The following MYH11 variants were observed in gnomAD, a reference collection of about 807,000 sequenced individuals.
MYH11 encodes the protein myosin-11.
In MYH11, 80 loss-of-function variants were observed where a neutral mutation model predicts 246.6. That is an observed-to-expected ratio of 0.32 (90% CI 0.27 to 0.39). MYH11 has a LOEUF of 0.39. MYH11 is among the 10% of genes least tolerant of loss of function. MYH11 has a pLI of 1.00. For synonymous variants in MYH11, 1,071 were observed against 1,015.5 expected (o/e 1.05, Z -1.04); for missense variants, 2,158 against 2,546.8 (o/e 0.85, Z 3.29).
At chr16:15,784,633 T>A in intron 5 of MYH11, 1 of 1,577,930 alleles carries the variant, frequency 6.3e-7, no homozygotes, top group Non-Finnish European at 8.7e-7. Flanking sequence ...TGCAAGAGGA[T>A]CATGCAGATC....
At chr16:15,709,540 C>T (rs2039662724) in intron 40 of MYH11, among the ~76,000 whole-genome samples, 1 of 152,064 alleles carries the variant, frequency 6.6e-6, no homozygotes, top group African/African-American at 2.4e-5. Flanking sequence ...GTCTCGAACT[C>T]CTGACCTCAA....
intron 1 of MYH11, among the ~76,000 whole-genome samples, chr16:15,843,526 TAA>T (rs34718696): frequency 2.2e-4 from 28 of 127,824 alleles, no homozygotes; most frequent in Admixed American, 2.4e-4. Flanking sequence ...CTGTCTCTAC[TAA>T]AAAAAAAAAA....
chr16:15,741,698 G>A, intron 21 of MYH11, 29 bp from the exon 22 acceptor site: 4 of 1,613,994 alleles, frequency 2.5e-6, no homozygotes, highest in Non-Finnish European at 3.4e-6. Flanking sequence ...GAGGAGGCGG[G>A]TGAGCCCCAC....
At chr16:15,725,557 C>T (rs2040712204) in intron 28 of MYH11, 2 of 408,530 alleles carry the variant, frequency 4.9e-6, no homozygotes, top group Non-Finnish European at 8.6e-6. Flanking sequence ...TGCATAAGTC[C>T]CTTTGAGGCT....
chr16:15,756,230 G>T, intron 14 of MYH11, 111 bp downstream of exon 14: 1 of 1,225,122 alleles, frequency 8.2e-7, no homozygotes, highest in South Asian at 1.3e-5. Context: ...GCAGCAGATG[G>T]CTTTGCAGTT....
intron 27 of MYH11, among the ~76,000 whole-genome samples, chr16:15,731,646 C>T (rs1423060104): frequency 6.6e-6 from 1 of 151,938 alleles, no homozygotes; most frequent in African/African-American, 2.4e-5. Flanking sequence ...CACATGCCAC[C>T]ACACCCAGCT....
chr16:15,744,554 G>A (rs983521479), intron 20 of MYH11, among the ~76,000 whole-genome samples: 2 of 151,702 alleles, frequency 1.3e-5, no homozygotes, highest in Non-Finnish European at 2.9e-5. Flanking sequence ...ACCCAGGCTG[G>A]AGTGCAGGCA....
At chr16:15,817,521 G>GC (rs113652084) in intron 3 of MYH11, among the ~76,000 whole-genome samples, 312 of 152,166 alleles carry the variant, frequency 2.1e-3, no homozygotes, top group African/African-American at 7.2e-3. Flanking sequence ...AAAAAAAAAG[G>GC]GGGGGAGAAT....
chr16:15,811,716 C>T (rs933515294), intron 3 of MYH11, among the ~76,000 whole-genome samples: 2 of 152,028 alleles, frequency 1.3e-5, no homozygotes, highest in Non-Finnish European at 2.9e-5. Flanking sequence ...TGGGAACTTG[C>T]AAAGTGGAGA....
rs747859212 is a variant in MYH11, at chr16:15,837,935, C to G, written c.318G>C (p.Arg106Ser). Reference sequence around the variant, plus strand: ...ATATTAGCCCTGAGAAGTACCGCTCCCTCAGGTTGTGTAGCACGGAGGCTT... The same window carrying G: ...ATATTAGCCCTGAGAAGTACCGCTCGCTCAGGTTGTGTAGCACGGAGGCTT... ...LNEASVLHNL[R>S]ERYFSGLIYT... The change falls in exon 2 of 41, where the codon AGG becomes AGC. Residue 106 changes from arginine to serine, a missense_variant. By Grantham distance (110) the Arg-to-Ser change is moderately radical (BLOSUM62 -1). Around this residue, in one of 11 missense-constraint regions of MYH11, gnomAD observed 36 missense variants for 73.9 expected, o/e 0.49. Transcript: ENST00000300036. 6.2e-7 allele frequency: 1 copy of G among 1,613,986 alleles called. No individual in the cohort carries two copies. Among genetic ancestry groups the G allele is most frequent in the Non-Finnish European group, 8.5e-7 (1 of 1,179,934 alleles).
intron 13 of MYH11, among the ~76,000 whole-genome samples, chr16:15,757,166 T>C (rs1315805085): frequency 6.6e-6 from 1 of 150,952 alleles, no homozygotes; most frequent in Non-Finnish European, 1.5e-5. Flanking sequence ...GTTAGAAAAG[T>C]TTTTTTTGGA....
intron 3 of MYH11, among the ~76,000 whole-genome samples, chr16:15,810,182 C>T (rs545079251): frequency 3.3e-5 from 5 of 151,708 alleles, no homozygotes; most frequent in African/African-American, 7.3e-5. Context: ...TATAGTCGCC[C>T]ACCACCATGC....
intron 4 of MYH11, among the ~76,000 whole-genome samples, chr16:15,789,585 A>G (rs981133618): frequency 2.0e-5 from 3 of 152,118 alleles, no homozygotes; most frequent in Non-Finnish European, 2.9e-5. Context: ...CAGCAAAGAG[A>G]AAAGACAGAG....
chr16:15,716,526 G>C (rs180773777), intron 38 of MYH11, among the ~76,000 whole-genome samples: 1 of 148,478 alleles, frequency 6.7e-6, no homozygotes, highest in Non-Finnish European at 1.5e-5. Flanking sequence ...TTTTTTTTGT[G>C]TGTGTGTATG....
chr16:15,802,075 A>G (rs1044487192), intron 3 of MYH11, among the ~76,000 whole-genome samples: 2 of 152,230 alleles, frequency 1.3e-5, no homozygotes, highest in African/African-American at 4.8e-5. Context: ...TGTTTGTGCT[A>G]TGAACACATA....
intron 40 of MYH11, among the ~76,000 whole-genome samples, chr16:15,709,769 A>G (rs767001025): frequency 2.0e-5 from 3 of 152,214 alleles, no homozygotes. Flanking sequence ...AAGAAGTCCC[A>G]GGCAAGGAAC....
intron 3 of MYH11, among the ~76,000 whole-genome samples, chr16:15,820,129 G>A (rs965109622): frequency 2.0e-5 from 3 of 152,148 alleles, no homozygotes; most frequent in Non-Finnish European, 4.4e-5. Flanking sequence ...GATCACCTGA[G>A]GCCAGGAGTT....
chr16:15,844,582 G>A (rs2044140624), intron 1 of MYH11, among the ~76,000 whole-genome samples: 1 of 152,196 alleles, frequency 6.6e-6, no homozygotes, highest in Non-Finnish European at 1.5e-5. Context: ...AAAAGAGGCT[G>A]GCAGTAGCCC....
chr16:15,776,811 G>A (rs761979195), intron 7 of MYH11, among the ~76,000 whole-genome samples: 1 of 152,198 alleles, frequency 6.6e-6, no homozygotes, highest in South Asian at 2.1e-4. Context: ...GCTTCTCCGC[G>A]ATGCGGGGTG....
Sources: allele counts gnomAD v4.1 joint callset (sites outside exome capture counted in the v4.1 genomes callset), GRCh38; gene constraint gnomAD v4.1.1; regional missense constraint gnomAD v4.1.1; transcripts MANE v1.5; gene names NCBI Gene and HGNC (gene_info 2026-07-23, HGNC 2026-07-21).